Variants in CDH13 observed in about 807,000 individuals in gnomAD.
CDH13 encodes the protein cadherin 13, also known as cadherin-13.
CDH13 carries 24 observed loss-of-function variants against 63.8 expected under a neutral mutation model. The observed-to-expected ratio is 0.38, with a 90% CI of 0.27 to 0.53. The LOEUF is 0.53. CDH13 is among the 20% of genes least tolerant of loss of function. The pLI, the probability that CDH13 is intolerant of heterozygous loss-of-function variation, is 0.85. For synonymous variants in CDH13, 503 were observed against 355.3 expected, an observed-to-expected ratio of 1.42 and a Z score of -4.67; for missense variants, 1,049 against 903.1, an observed-to-expected ratio of 1.16 and a Z score of -2.07.
intron 2 of CDH13, among the ~76,000 whole-genome samples, chr16:83,005,726 G>A (rs1445247826): frequency 1.3e-5 from 2 of 152,212 alleles, no homozygotes; most frequent in Non-Finnish European, 2.9e-5. Context: ...ACTCCAACAA[G>A]AGAGCTAGGC....
chr16:83,622,817 G>C (rs368324707), intron 8 of CDH13, among the ~76,000 whole-genome samples: 3 of 152,212 alleles, frequency 2.0e-5, no homozygotes, highest in African/African-American at 4.8e-5. Flanking sequence ...TGAGTTAGCA[G>C]GGTTGCAGCG....
intron 2 of CDH13, among the ~76,000 whole-genome samples, chr16:82,970,753 A>G (rs1042399050): frequency 2.6e-5 from 4 of 152,122 alleles, no homozygotes; most frequent in Non-Finnish European, 5.9e-5. Context: ...ATTAAGTTCC[A>G]GTGCTGTATT....
At chr16:83,429,581 A>G (rs571235454) in intron 6 of CDH13, among the ~76,000 whole-genome samples, 35 of 152,232 alleles carry the variant, frequency 2.3e-4, no homozygotes, top group Middle Eastern at 3.4e-3. Context: ...ATGAAGCTTG[A>G]GAAAAATAAA....
At chr16:82,917,222 C>G (rs1597209475) in intron 2 of CDH13, among the ~76,000 whole-genome samples, 1 of 152,150 alleles carries the variant, frequency 6.6e-6, no homozygotes, top group Non-Finnish European at 1.5e-5. Context: ...CTAGCAGGTC[C>G]TGTGGAGCCG....
At chr16:83,101,625 C>G (rs570944060) in intron 3 of CDH13, among the ~76,000 whole-genome samples, 1 of 152,222 alleles carries the variant, frequency 6.6e-6, no homozygotes, top group South Asian at 2.1e-4. Flanking sequence ...CAAACCCCAT[C>G]TCTACTAAAA....
intron 1 of CDH13, among the ~76,000 whole-genome samples, chr16:82,801,388 A>G (rs950649012): frequency 6.6e-6 from 1 of 152,202 alleles, no homozygotes; most frequent in African/African-American, 2.4e-5. Flanking sequence ...AAATGCTTTA[A>G]GGAAAAATAC....
chr16:83,337,110 C>A (rs1363332775), intron 5 of CDH13, among the ~76,000 whole-genome samples: 2 of 152,170 alleles, frequency 1.3e-5, no homozygotes, highest in Non-Finnish European at 2.9e-5. Context: ...TTAAGGGATT[C>A]TTTTCAAAGC....
chr16:83,509,664 G>A (rs1044539361), intron 7 of CDH13, among the ~76,000 whole-genome samples: 3 of 152,292 alleles, frequency 2.0e-5, no homozygotes, highest in Non-Finnish European at 4.4e-5. Context: ...AAGGCAAAGA[G>A]TGGGAAACCA....
At chr16:83,318,780 C>G (rs1043548949) in intron 5 of CDH13, among the ~76,000 whole-genome samples, 5 of 152,100 alleles carry the variant, frequency 3.3e-5, no homozygotes, top group African/African-American at 1.2e-4. Flanking sequence ...CGGATAAAAG[C>G]AGTTTTCTCT....
At chr16:82,731,762 A>T (rs1321919034) in intron 1 of CDH13, among the ~76,000 whole-genome samples, 1 of 152,208 alleles carries the variant, frequency 6.6e-6, no homozygotes, top group Non-Finnish European at 1.5e-5. Context: ...AATATAGAAA[A>T]TTGTGTGTTT....
intron 10 of CDH13, 82 bp from the exon 11 acceptor site, chr16:83,748,026 A>G (rs1597169621): frequency 1.4e-6 from 2 of 1,457,964 alleles, no homozygotes; most frequent in African/African-American, 1.4e-5. Context: ...CACCTAGCCT[A>G]GGAGCTCATG....
chr16:83,063,020 G>C (rs1484864221), intron 3 of CDH13, among the ~76,000 whole-genome samples: 1 of 149,588 alleles, frequency 6.7e-6, no homozygotes, highest in Non-Finnish European at 1.5e-5. Flanking sequence ...TGGAGTTCAG[G>C]GTGCGATCTC....
rs202045326 is a variant in CDH13, at chr16:82,892,735, C to CT, written c.157+34271dup. Reference sequence around the variant, plus strand: ...ATTTGAAATGCTCAGTGTTTTTCTTCTTTTTTTTTCATGTAACAATATGTT... The same window carrying CT: ...ATTTGAAATGCTCAGTGTTTTTCTTCTTTTTTTTTTCATGTAACAATATGTT... On this transcript the variant is annotated intron_variant, in intron 2 of 13. Transcript: ENST00000567109. Among the ~76,000 whole-genome samples, 301 of 151,198 alleles carry CT rather than the reference C, an allele frequency of 2.0e-3. 2 individuals are homozygous for CT. In the Middle Eastern group the frequency reaches 0.024, roughly 12 times the overall value.
chr16:83,397,742 C>G (rs117595306), intron 6 of CDH13, among the ~76,000 whole-genome samples: 2,088 of 152,290 alleles, frequency 0.014, 21 homozygotes, highest in Non-Finnish European at 0.021. Flanking sequence ...ATCTCCTTGT[C>G]CTGTTTCTCC....
chr16:82,701,060 A>T (rs1462980753), intron 1 of CDH13, among the ~76,000 whole-genome samples: 2 of 147,286 alleles, frequency 1.4e-5, no homozygotes, highest in Non-Finnish European at 3.0e-5. Context: ...TCCATGAGTC[A>T]GTTCCTCTTC....
At chr16:82,757,648 T>A (rs1194709528) in intron 1 of CDH13, among the ~76,000 whole-genome samples, 1 of 122,530 alleles carries the variant, frequency 8.2e-6, no homozygotes, top group Non-Finnish European at 1.8e-5. Context: ...TTTTTTTTTG[T>A]TTTTTTTTTT....
chr16:83,630,063 A>C (rs1318530377), intron 8 of CDH13, among the ~76,000 whole-genome samples: 1 of 152,120 alleles, frequency 6.6e-6, no homozygotes, highest in East Asian at 1.9e-4. Context: ...TAACAGATTC[A>C]TCTCGGGTTG....
At chr16:82,699,606 A>T (rs1470788302) in intron 1 of CDH13, among the ~76,000 whole-genome samples, 2 of 152,226 alleles carry the variant, frequency 1.3e-5, no homozygotes, top group Non-Finnish European at 2.9e-5. Context: ...GAGAATGTGC[A>T]TAAAACAAGT....
At position 83,082,292 on chromosome 16, in the gene CDH13, C is replaced by T. The variant is rs192245466; in HGVS notation, c.367-43093C>T. ...CTCAACAGCCCAAAAAGTCTTAACT[C>T]GTTCCAGCATCAATTGTCAAACAAG... On this transcript the variant is annotated intron_variant, in intron 3 of 13. Transcript: ENST00000567109. Among the ~76,000 whole-genome samples, 72 of 152,208 alleles carry T rather than the reference C, an allele frequency of 4.7e-4. 1 individual carries two copies. The highest frequency in any genetic ancestry group is 3.9e-3 in the Admixed American group (60 of 15,286).
Sources: gnomAD v4.1 joint callset for allele counts (sites outside exome capture counted in the v4.1 genomes callset) on GRCh38, gnomAD v4.1.1 for gene constraint, MANE v1.5 for transcripts, NCBI Gene and HGNC (gene_info 2026-07-23, HGNC 2026-07-21) for gene names.